GRIA4: variants seen among roughly 807,000 people sequenced by gnomAD.
The protein encoded by GRIA4 is glutamate ionotropic receptor AMPA type subunit 4, also known as glutamate receptor 4.
GRIA4 carries 34 observed loss-of-function variants against 104.0 expected under a neutral mutation model. The observed-to-expected ratio is 0.33, with a 90% confidence interval of 0.25 to 0.44. The LOEUF (loss-of-function observed/expected upper bound fraction) is 0.44, where lower values mean the gene tolerates loss of function less well. Among genes scored for constraint, GRIA4 ranks in the 20% least tolerant of loss-of-function variants. GRIA4 has a pLI of 1.00. For missense variants in GRIA4, 750 were observed against 1,096.5 expected, an observed-to-expected ratio of 0.68 and a Z score of 4.46; for synonymous variants, 386 against 381.9, an observed-to-expected ratio of 1.01 and a Z score of -0.13.
intron 4 of GRIA4, among the ~76,000 whole-genome samples, chr11:105,774,873 T>C (rs1249191250): frequency 6.6e-6 from 1 of 152,138 alleles, no homozygotes; most frequent in Non-Finnish European, 1.5e-5. Context: ...TATATATTAG[T>C]TTTCTATGGA....
intron 6 of GRIA4, among the ~76,000 whole-genome samples, chr11:105,895,920 T>C (rs943099920): frequency 6.6e-6 from 1 of 152,232 alleles, no homozygotes; most frequent in Non-Finnish European, 1.5e-5. Flanking sequence ...AATGATTTAC[T>C]TCCCTTTGGG....
chr11:105,790,702 T>G (rs1298577952), intron 4 of GRIA4, among the ~76,000 whole-genome samples: 1 of 152,208 alleles, frequency 6.6e-6, no homozygotes, highest in African/African-American at 2.4e-5. Context: ...AGCACAGGTT[T>G]GCAAGACATA....
chr11:105,912,294 T>C (rs886781398), intron 10 of GRIA4: 36 of 974,352 alleles, frequency 3.7e-5, no homozygotes, highest in Non-Finnish European at 4.4e-5. Flanking sequence ...AGTTGTTTTC[T>C]TTAAAGATCT....
At chr11:105,651,853 T>C (rs1951695033) in intron 3 of GRIA4, among the ~76,000 whole-genome samples, 1 of 152,080 alleles carries the variant, frequency 6.6e-6, no homozygotes, top group South Asian at 2.1e-4. Context: ...CCTGAGCTAA[T>C]TAATGGGACT....
At chr11:105,816,861 TA>T (rs1168216646) in intron 4 of GRIA4, among the ~76,000 whole-genome samples, 3 of 151,674 alleles carry the variant, frequency 2.0e-5, no homozygotes, top group African/African-American at 7.3e-5. Flanking sequence ...AAAATAAAAA[TA>T]AAAAATTAGC....
intron 3 of GRIA4, among the ~76,000 whole-genome samples, chr11:105,650,898 A>T (rs1035377361): frequency 6.6e-6 from 1 of 152,210 alleles, no homozygotes; most frequent in African/African-American, 2.4e-5. Context: ...TATCTCTAAC[A>T]GGCCCCTCTT....
intron 3 of GRIA4, among the ~76,000 whole-genome samples, chr11:105,668,149 A>G (rs1293972077): frequency 6.7e-6 from 1 of 149,344 alleles, no homozygotes; most frequent in African/African-American, 2.4e-5. Context: ...ATATTGTTGG[A>G]AATTGCAGGA....
chr11:105,867,596 A>G (rs991265663), intron 5 of GRIA4, among the ~76,000 whole-genome samples: 4 of 152,206 alleles, frequency 2.6e-5, no homozygotes, highest in African/African-American at 7.2e-5. Context: ...TCTGTATCCC[A>G]TAACTGGTTG....
intron 3 of GRIA4, among the ~76,000 whole-genome samples, chr11:105,619,994 A>G (rs1950699842): frequency 6.6e-6 from 1 of 151,784 alleles, no homozygotes; most frequent in Non-Finnish European, 1.5e-5. Context: ...TGCCTCTCGC[A>G]TTGTCATCCT....
intron 16 of GRIA4, among the ~76,000 whole-genome samples, chr11:105,977,727 T>G (rs1199350900): frequency 6.6e-6 from 1 of 152,090 alleles, no homozygotes; most frequent in African/African-American, 2.4e-5. Context: ...TAAATAGTCC[T>G]GCTTTGCTAA....
In GRIA4 at chr11:105,656,432, C is replaced by T. The variant is rs868082177; in HGVS notation, c.247+43998C>T. On this transcript the variant is annotated intron_variant, in intron 3 of 16. Coordinates refer to ENST00000282499, the MANE Select transcript of GRIA4 (RefSeq NM_000829.4). ...CAATAAAAAAACCCTAGAAGAAAAC[C>T]TAAGCAATACCATTCAGGACATAGG... is the stretch of plus-strand genomic sequence containing the variant. Among the ~76,000 whole-genome samples, 5 of 151,954 alleles carry T rather than the reference C, an allele frequency of 3.3e-5. No individual in the cohort carries two copies. In the South Asian group the frequency reaches 1.0e-3, roughly 31 times the overall value.
intron 4 of GRIA4, among the ~76,000 whole-genome samples, chr11:105,840,049 T>C (rs908279189): frequency 2.0e-5 from 3 of 152,212 alleles, no homozygotes; most frequent in African/African-American, 7.2e-5. Context: ...TATGTTACTA[T>C]TACCAAAGTG....
At chr11:105,742,276 G>C (rs1399927846) in intron 3 of GRIA4, among the ~76,000 whole-genome samples, 1 of 151,994 alleles carries the variant, frequency 6.6e-6, no homozygotes, top group Non-Finnish European at 1.5e-5. Flanking sequence ...TTGTAAATCA[G>C]TGCAACTATA....
intron 3 of GRIA4, among the ~76,000 whole-genome samples, chr11:105,649,268 T>A (rs1951620302): frequency 6.6e-6 from 1 of 152,154 alleles, no homozygotes; most frequent in Non-Finnish European, 1.5e-5. Context: ...TATAATATAT[T>A]TTAAAAGACA....
At chr11:105,679,404 A>T (rs1952640728) in intron 3 of GRIA4, among the ~76,000 whole-genome samples, 1 of 152,166 alleles carries the variant, frequency 6.6e-6, no homozygotes, top group Non-Finnish European at 1.5e-5. Flanking sequence ...ATCTGAGTCC[A>T]CCACATGAAA....
intron 4 of GRIA4, among the ~76,000 whole-genome samples, chr11:105,827,058 A>C (rs1397786037): frequency 1.3e-5 from 2 of 151,984 alleles, no homozygotes; most frequent in African/African-American, 4.8e-5. Flanking sequence ...CCTCATCCAG[A>C]AAGTCCTACC....
intron 3 of GRIA4, among the ~76,000 whole-genome samples, chr11:105,675,958 C>T (rs1042443797): frequency 5.3e-5 from 8 of 151,652 alleles, no homozygotes; most frequent in Non-Finnish European, 1.0e-4. Context: ...TAGCTACTTG[C>T]GAAACATTAC....
chr11:105,701,953 G>A (rs898253765), intron 3 of GRIA4, among the ~76,000 whole-genome samples: 2 of 151,868 alleles, frequency 1.3e-5, no homozygotes. Context: ...TTAAAAAACA[G>A]AGGCAGGATC....
At chr11:105,615,608 G>A (rs1302028731) in intron 3 of GRIA4, among the ~76,000 whole-genome samples, 1 of 151,662 alleles carries the variant, frequency 6.6e-6, no homozygotes, top group African/African-American at 2.4e-5. Flanking sequence ...AAGTATGACG[G>A]AATGGACATT....
Sources: gnomAD v4.1 joint callset for allele counts (sites outside exome capture counted in the v4.1 genomes callset) on GRCh38, gnomAD v4.1.1 for gene constraint, MANE v1.5 for transcripts, NCBI Gene and HGNC (gene_info 2026-07-23, HGNC 2026-07-21) for gene names.